The following OR2A42 variants were observed in gnomAD, a reference collection of about 807,000 sequenced individuals.
The protein encoded by OR2A42 is olfactory receptor 2A1/2A42.
For synonymous variants in OR2A42, 5 were observed against 46.4 expected (o/e 0.11, Z 3.63); for missense variants, 3 against 104.1 (o/e 0.03, Z 4.23).
Position 144,238,677 on chromosome 7 carries a change from C to A in OR2A42, c.-250G>T. The A allele has an allele frequency of 6.6e-6, 1 of 151,254 alleles. No individual in the cohort carries two copies. Among genetic ancestry groups the A allele is most frequent in the Non-Finnish European group, 1.5e-5 (1 of 67,570 alleles). The allele number at this position is 151,254 out of a possible 1,614,324, so 9.4% of individuals were successfully genotyped here. On this transcript the variant is annotated 5_prime_UTR_variant, in exon 2 of 3. The change creates a premature stop within an existing upstream ORF in the 5' untranslated region. Coordinates refer to ENST00000641810, the MANE Select transcript of OR2A42 (RefSeq NM_001001802.3). ...AGGAGGTGTTATTCTCTGATGTGCT[C>A]AGCCTGGTTGACAGCTGAGGGATCA...
chr7:144,235,757 G>A (rs2052419702), intron 2 of OR2A42, among the ~76,000 whole-genome samples: 2 of 151,920 alleles, frequency 1.3e-5, no homozygotes, highest in African/African-American at 4.8e-5. Context: ...ATTTACCAAA[G>A]GGTTGGCAAA....
intron 2 of OR2A42, among the ~76,000 whole-genome samples, chr7:144,237,934 G>A (rs1382348109): frequency 4.2e-5 from 6 of 143,930 alleles, no homozygotes; most frequent in Non-Finnish European, 7.7e-5. Flanking sequence ...TTTTAAAAAG[G>A]AGAAAAGTGA....
chr7:144,237,576 A>C (rs1455474125), intron 2 of OR2A42, among the ~76,000 whole-genome samples: 5 of 149,798 alleles, frequency 3.3e-5, no homozygotes, highest in African/African-American at 1.2e-4. Flanking sequence ...AACAACAAAA[A>C]AAAAACCAAA....
chr7:144,237,397 A>C (rs2052442042), intron 2 of OR2A42, among the ~76,000 whole-genome samples: 1 of 140,432 alleles, frequency 7.1e-6, no homozygotes, highest in Non-Finnish European at 1.6e-5. Context: ...ATCCATTTGC[A>C]TTTAAATGAG....
intron 2 of OR2A42, among the ~76,000 whole-genome samples, chr7:144,237,642 A>T (rs1240563864): frequency 6.6e-6 from 1 of 150,798 alleles, no homozygotes; most frequent in Non-Finnish European, 1.5e-5. Flanking sequence ...GTAAGTGACT[A>T]AAAAGGTGAA....
chr7:144,230,595 G>A lies in OR2A42; in HGVS notation c.*1316C>T. 6.6e-6 allele frequency: 1 copy of A among 150,914 alleles called. No individual in the cohort carries two copies. The highest frequency in any genetic ancestry group is 1.5e-5 in the Non-Finnish European group (1 of 67,676). The allele number at this position is 150,914 out of a possible 1,614,324, so 9.3% of individuals were successfully genotyped here. A position where few individuals can be genotyped will look rare whatever the true frequency, so the allele number is the denominator to read the frequency against. On this transcript the variant is annotated 3_prime_UTR_variant, in exon 3 of 3. Coordinates refer to ENST00000641810, the MANE Select transcript of OR2A42 (RefSeq NM_001001802.3). ...TTGTACGTGAACTAGAGATGTCTTT[G>A]TTCTGGATCTTACCACCCAGAACCA... is the stretch of plus-strand genomic sequence containing the variant.
chr7:144,239,048 GGAA>G (rs1190996201), intron 1 of OR2A42: 3 of 142,954 alleles, frequency 2.1e-5, no homozygotes, highest in Non-Finnish European at 4.6e-5. Context: ...AGCAGAACTG[GGAA>G]GAAAGGACCC....
In OR2A42 at chr7:144,229,747, GTT is replaced by G. The variant is rs1458006245; in HGVS notation, c.*2162_*2163del. 6.6e-6 allele frequency: 1 copy of G among 150,534 alleles called. No individual in the cohort carries two copies. Among genetic ancestry groups the G allele is most frequent in the Non-Finnish European group, 1.5e-5 (1 of 67,208 alleles). 9.3% of individuals were successfully genotyped at this position (150,534 alleles called of 1,614,324 possible). On this transcript the variant is annotated 3_prime_UTR_variant, in exon 3 of 3. Coordinates refer to ENST00000641810, the MANE Select transcript of OR2A42 (RefSeq NM_001001802.3). ...AATGGAATTACAAATTGTATATCCAGTTTGGGTAATTTTAAAAAATTTAATAA... is the reference window on the plus strand; with the variant it reads ...AATGGAATTACAAATTGTATATCCAGTGGGTAATTTTAAAAAATTTAATAA...
intron 1 of OR2A42, 41 bp from the exon 2 acceptor site, chr7:144,238,784 C>G (rs577790311): frequency 6.6e-6 from 1 of 150,858 alleles, no homozygotes; most frequent in Admixed American, 6.6e-5. Flanking sequence ...TTTTCTATTT[C>G]TGTTCTTAAC....
rs2052359355 is a variant in OR2A42 at position 144,230,461 on chromosome 7, C to T, written c.*1450G>A. On this transcript the variant is annotated 3_prime_UTR_variant, in exon 3 of 3. Coordinates refer to ENST00000641810, the MANE Select transcript of OR2A42 (RefSeq NM_001001802.3). ...CTACCTCATAGGGTTTTTATGAGGA[C>T]TTAAAGAGCTCTTACTTGTAAGGTT... is the stretch of plus-strand genomic sequence containing the variant. The T allele has an allele frequency of 1.4e-5, 2 of 142,032 alleles. No homozygotes were observed. 8.8% of individuals were successfully genotyped at this position (142,032 alleles called of 1,614,324 possible).
At chr7:144,237,488 G>T (rs1331029786) in intron 2 of OR2A42, among the ~76,000 whole-genome samples, 23 of 148,680 alleles carry the variant, frequency 1.5e-4, no homozygotes, top group African/African-American at 5.6e-4. Context: ...CAAGTATACC[G>T]ATTACAGTAG....
rs71242227 is a variant in OR2A42, at chr7:144,230,137, T to TTTTGTTTGTTTGTTTG, written c.*1758_*1773dup. 9.1e-6 allele frequency: 1 copy of TTTTGTTTGTTTGTTTG among 110,410 alleles called. No homozygotes were observed. Among genetic ancestry groups the TTTTGTTTGTTTGTTTG allele is most frequent in the African/African-American group, 3.5e-5 (1 of 28,644 alleles). The allele number at this position is 110,410 out of a possible 1,614,324, so 6.8% of individuals were successfully genotyped here. A position where few individuals can be genotyped will look rare whatever the true frequency, so the allele number is the denominator to read the frequency against. On this transcript the variant is annotated 3_prime_UTR_variant, in exon 3 of 3. Coordinates refer to ENST00000641810, the MANE Select transcript of OR2A42 (RefSeq NM_001001802.3). ...ACGCACCAGTATAAAAAAAGCTGTT[T>TTTTGTTTGTTTGTTTG]TTTGTTTGTTTGTTTGTTTGTTTGT...
rs1371525859 is a variant in OR2A42, at chr7:144,238,568, C to G, written c.-141G>C. The G allele has an allele frequency of 6.7e-6, 1 of 150,260 alleles. No individual in the cohort carries two copies. The highest frequency in any genetic ancestry group is 2.5e-5 in the African/African-American group (1 of 40,786). The allele number at this position is 150,260 out of a possible 1,614,324, so 9.3% of individuals were successfully genotyped here. ...TCAAGGATCTCAGAAGAGTGAAGCA[C>G]CTGAAGGTTTCTGGGAGTTTCTGTG... is the stretch of plus-strand genomic sequence containing the variant. On this transcript the variant is annotated 5_prime_UTR_variant, in exon 2 of 3. Transcript: ENST00000641810.
chr7:144,230,145 G>GTTTT lies in OR2A42; in HGVS notation c.*1765_*1766insAAAA, dbSNP rs1379339785. ...GTATAAAAAAAGCTGTTTTTTGTTTGTTTGTTTGTTTGTTTGTTTGTTTTT... is the reference window on the plus strand; with the variant it reads ...GTATAAAAAAAGCTGTTTTTTGTTTGTTTTTTTGTTTGTTTGTTTGTTTGTTTTT... On this transcript the variant is annotated 3_prime_UTR_variant, in exon 3 of 3. Transcript: ENST00000641810. The GTTTT allele has an allele frequency of 7.9e-6, 1 of 127,148 alleles. No homozygotes were observed. The highest frequency in any genetic ancestry group is 3.4e-5 in the African/African-American group (1 of 29,344). The allele number at this position is 127,148 out of a possible 1,614,324, so 7.9% of individuals were successfully genotyped here. A position where few individuals can be genotyped will look rare whatever the true frequency, so the allele number is the denominator to read the frequency against.
chr7:144,238,081 C>T (rs1424775675), intron 2 of OR2A42, among the ~76,000 whole-genome samples: 1 of 118,642 alleles, frequency 8.4e-6, no homozygotes, highest in African/African-American at 3.5e-5. Flanking sequence ...TCTTGAGTAG[C>T]CTGAAGATTG....
intron 2 of OR2A42, among the ~76,000 whole-genome samples, chr7:144,234,964 T>G (rs1399472107): frequency 1.4e-5 from 2 of 144,722 alleles, no homozygotes; most frequent in African/African-American, 2.7e-5. Flanking sequence ...ATTTATTTAT[T>G]TTTTTGAGAC....
At chr7:144,238,965 C>A (rs1216689087) in intron 1 of OR2A42, 8 of 149,430 alleles carry the variant, frequency 5.4e-5, no homozygotes, top group African/African-American at 1.7e-4. Context: ...ACCAGTGTGA[C>A]AATGAATAAG....
chr7:144,235,656 C>A (rs1337578841), intron 2 of OR2A42, among the ~76,000 whole-genome samples: 8 of 152,200 alleles, frequency 5.3e-5, no homozygotes, highest in Non-Finnish European at 2.9e-5. Flanking sequence ...AATCTGAATA[C>A]TTGAAAGACA....
rs2052463235 is a variant in OR2A42, at chr7:144,238,742, T to G, written c.-315A>C. The G allele has an allele frequency of 6.6e-6, 1 of 151,636 alleles. No individual in the cohort carries two copies. The highest frequency in any genetic ancestry group is 1.5e-5 in the Non-Finnish European group (1 of 68,088). 9.4% of individuals were successfully genotyped at this position (151,636 alleles called of 1,614,324 possible). On this transcript the variant is annotated splice_region_variant and 5_prime_UTR_variant, in exon 2 of 3. Coordinates refer to ENST00000641810, the MANE Select transcript of OR2A42 (RefSeq NM_001001802.3). ...CCATGAAACCTCCTGCATGCTCATC[T>G]CCTTGGGGAAGGAGAGACAAGACAA...
Sources: allele counts gnomAD v4.1 joint callset (sites outside exome capture counted in the v4.1 genomes callset), GRCh38; gene constraint gnomAD v4.1.1; transcripts MANE v1.5; gene names NCBI Gene and HGNC (gene_info 2026-07-23, HGNC 2026-07-21).